Variants in ZNF385B observed in about 807,000 individuals in gnomAD.
ZNF385B encodes the protein zinc finger protein 533.
ZNF385B carries 23 observed loss-of-function variants against 39.2 expected under a neutral mutation model. That is an observed-to-expected ratio of 0.59 (90% CI 0.42 to 0.83). The LOEUF (loss-of-function observed/expected upper bound fraction) is 0.83, where lower values mean the gene tolerates loss of function less well. Ranked by LOEUF, ZNF385B falls within the 40% of genes least tolerant of loss-of-function variation. The probability of loss-of-function intolerance (pLI) is 0.00; values close to 1 mark genes in which losing one functional copy is unlikely to be tolerated. For missense variants in ZNF385B, 552 were observed against 598.9 expected, an observed-to-expected ratio of 0.92 and a Z score of 0.82; for synonymous variants, 205 against 222.6, an observed-to-expected ratio of 0.92 and a Z score of 0.70.
chr2:179,840,105 C>T (rs1267708210), intron 1 of ZNF385B, among the ~76,000 whole-genome samples: 1 of 152,248 alleles, frequency 6.6e-6, no homozygotes, highest in East Asian at 1.9e-4. Context: ...ATGGACCACA[C>T]ACATCTTCAT....
At chr2:179,513,479 A>C (rs1199406174) in intron 5 of ZNF385B, among the ~76,000 whole-genome samples, 1 of 152,238 alleles carries the variant, frequency 6.6e-6, no homozygotes, top group Non-Finnish European at 1.5e-5. Context: ...CATCCCTATT[A>C]GTAAGTACAA....
intron 5 of ZNF385B, among the ~76,000 whole-genome samples, chr2:179,486,924 C>A (rs143283302): frequency 2.0e-5 from 3 of 151,552 alleles, no homozygotes; most frequent in Non-Finnish European, 2.9e-5. Context: ...TCAAAAAAAA[C>A]AAAAAACAAA....
intron 3 of ZNF385B, among the ~76,000 whole-genome samples, chr2:179,652,244 G>T (rs188654107): frequency 6.6e-6 from 1 of 152,268 alleles, no homozygotes; most frequent in Admixed American, 6.5e-5. Flanking sequence ...CAGTTTCAAT[G>T]AGTATGGTTC....
At position 179,861,533 on chromosome 2, in the gene ZNF385B, T is replaced by G. The variant is rs1685071614; in HGVS notation, c.-587A>C. 6.6e-6 allele frequency: 1 copy of G among 152,130 alleles called. No individual in the cohort carries two copies. Among genetic ancestry groups the G allele is most frequent in the Non-Finnish European group, 1.5e-5 (1 of 68,066 alleles). 9.4% of individuals were successfully genotyped at this position (152,130 alleles called of 1,614,324 possible). On this transcript the variant is annotated 5_prime_UTR_variant, in exon 1 of 10. Coordinates refer to ENST00000410066, the MANE Select transcript of ZNF385B (RefSeq NM_152520.6). ...ACGCCACTCTCGCGCGCCGAAGCTG[T>G]GACGGTTTACTAAGCAGAGACTTGC...
chr2:179,500,443 G>T (rs2056651835), intron 5 of ZNF385B, among the ~76,000 whole-genome samples: 1 of 151,996 alleles, frequency 6.6e-6, no homozygotes, highest in Non-Finnish European at 1.5e-5. Context: ...AACAAACTCA[G>T]ATATCTACAG....
At chr2:179,707,615 CAGTGTCTATCCTAAGTGCCCTGGTA>C (rs1303423133) in intron 3 of ZNF385B, among the ~76,000 whole-genome samples, 1 of 152,180 alleles carries the variant, frequency 6.6e-6, no homozygotes. Context: ...TATAGTTCAC[CAGTGTCTATCCTAAGTGCCCTGGTA>C]GGACAGCCAG....
chr2:179,628,400 T>A (rs974081865), intron 3 of ZNF385B, among the ~76,000 whole-genome samples: 1 of 152,224 alleles, frequency 6.6e-6, no homozygotes, highest in Non-Finnish European at 1.5e-5. Context: ...TCCTGTAGAA[T>A]GTCTTACATT....
rs575585024 is a variant in ZNF385B, at chr2:179,798,187, G to C, written c.-154-27515C>G. ...AATCAAATTGTTCCATCTTTGGTTA[G>C]TAAGAGCCTGTTCAAATGGACTCCT... On this transcript the variant is annotated intron_variant, in intron 1 of 9. Coordinates refer to ENST00000410066, the MANE Select transcript of ZNF385B (RefSeq NM_152520.6). Among the ~76,000 whole-genome samples, 5 of 151,740 alleles carry C rather than the reference G, an allele frequency of 3.3e-5. No individual in the cohort carries two copies. In the South Asian group the frequency reaches 1.0e-3, roughly 32 times the overall value.
rs543648257 is a variant in ZNF385B at position 179,852,621 on chromosome 2, AG to A, written c.-155+8479del. ...GGACTAAAACCTGTAAGTAAAGGCCAGTGAATACCCAATGAGAGAGCACAGA... is the reference window on the plus strand; with the variant it reads ...GGACTAAAACCTGTAAGTAAAGGCCATGAATACCCAATGAGAGAGCACAGA... On this transcript the variant is annotated intron_variant, in intron 1 of 9. Coordinates refer to ENST00000410066, the MANE Select transcript of ZNF385B (RefSeq NM_152520.6). Among the ~76,000 whole-genome samples, 898 of 152,330 alleles carry A rather than the reference AG, an allele frequency of 5.9e-3. 8 individuals are homozygous for A. The highest frequency in any genetic ancestry group is 0.031 in the Middle Eastern group (9 of 294).
intron 3 of ZNF385B, among the ~76,000 whole-genome samples, chr2:179,758,639 T>C (rs951470654): frequency 6.6e-6 from 1 of 152,236 alleles, no homozygotes; most frequent in African/African-American, 2.4e-5. Context: ...TTGCAGCTTC[T>C]GTTCTTGCTG....
chr2:179,607,409 T>C (rs1688901002), intron 3 of ZNF385B, among the ~76,000 whole-genome samples: 2 of 152,118 alleles, frequency 1.3e-5, no homozygotes, highest in Admixed American at 6.6e-5. Flanking sequence ...TCCCTCACTG[T>C]CTCTCCTGCC....
intron 3 of ZNF385B, among the ~76,000 whole-genome samples, chr2:179,731,208 A>G (rs1328296043): frequency 6.6e-6 from 1 of 152,152 alleles, no homozygotes; most frequent in Non-Finnish European, 1.5e-5. Flanking sequence ...TCCCACAATT[A>G]CCACGTTTCT....
At position 179,737,670 on chromosome 2, in the gene ZNF385B, T is replaced by A. The variant is rs1286860971; in HGVS notation, c.298+31833A>T. ...AACCCCACAGCTTTTACTAGGATAA[T>A]TTCTGATTACATCATATTCCCCGCA... is the stretch of plus-strand genomic sequence containing the variant. On this transcript the variant is annotated intron_variant, in intron 3 of 9. Coordinates refer to ENST00000410066, the MANE Select transcript of ZNF385B (RefSeq NM_152520.6). 2.0e-5 allele frequency among the ~76,000 whole-genome samples: 3 copies of A among 152,236 alleles called. No individual in the cohort carries two copies. The East Asian group carries it at 5.8e-4, about 29-fold the overall frequency.
intron 5 of ZNF385B, among the ~76,000 whole-genome samples, chr2:179,486,863 C>T (rs371552110): frequency 1.3e-5 from 2 of 152,048 alleles, no homozygotes; most frequent in African/African-American, 4.8e-5. Flanking sequence ...CTGTAGTGAG[C>T]CCTGATTGTG....
intron 3 of ZNF385B, among the ~76,000 whole-genome samples, chr2:179,648,430 A>G (rs1692928295): frequency 6.6e-6 from 1 of 152,120 alleles, no homozygotes; most frequent in African/African-American, 2.4e-5. Context: ...GTGTAAAGTC[A>G]TGGTTTTCAA....
At chr2:179,743,553 T>C (rs1009935276) in intron 3 of ZNF385B, among the ~76,000 whole-genome samples, 1 of 151,948 alleles carries the variant, frequency 6.6e-6, no homozygotes, top group African/African-American at 2.4e-5. Flanking sequence ...AATAGCAACA[T>C]CCAAATATGT....
chr2:179,696,321 T>C (rs952215526), intron 3 of ZNF385B, among the ~76,000 whole-genome samples: 1 of 138,862 alleles, frequency 7.2e-6, no homozygotes, highest in African/African-American at 2.7e-5. Flanking sequence ...AGGTACAAAC[T>C]GGGACTTTTT....
chr2:179,717,869 C>T (rs901191374), intron 3 of ZNF385B, among the ~76,000 whole-genome samples: 14 of 151,782 alleles, frequency 9.2e-5, no homozygotes, highest in South Asian at 2.1e-4. Flanking sequence ...TTTGTTATTA[C>T]GTTGTATGTA....
intron 5 of ZNF385B, among the ~76,000 whole-genome samples, chr2:179,517,273 A>C (rs529903696): frequency 6.6e-6 from 1 of 152,050 alleles, no homozygotes; most frequent in South Asian, 2.1e-4. Flanking sequence ...CATTTTCCAT[A>C]ATAAAAAAAC....
Sources: allele counts gnomAD v4.1 joint callset (sites outside exome capture counted in the v4.1 genomes callset), GRCh38; gene constraint gnomAD v4.1.1; transcripts MANE v1.5; gene names NCBI Gene and HGNC (gene_info 2026-07-23, HGNC 2026-07-21).